Variants in DNAH11 observed in about 807,000 individuals in gnomAD.
The protein encoded by DNAH11 is dynein axonemal heavy chain 11.
DNAH11 carries 442 observed loss-of-function variants against 526.0 expected under a neutral mutation model. The ratio of observed to expected loss-of-function variants is 0.84; its 90% CI spans 0.78 to 0.91. DNAH11 has a LOEUF of 0.91. Among genes scored for constraint, DNAH11 ranks in the 40% least tolerant of loss-of-function variants. The pLI is 0.00. For missense variants in DNAH11, 6,989 were observed against 5,448.7 expected (o/e 1.28, Z -8.90); for synonymous variants, 2,461 against 1,935.9 (o/e 1.27, Z -7.12).
rs568821817 is a variant in DNAH11, at chr7:21,739,418, G to T, written c.7812-153G>T. 2.0e-5 allele frequency among the ~76,000 whole-genome samples: 3 copies of T among 152,226 alleles called. No homozygotes were observed. The East Asian group carries it at 5.8e-4, about 29-fold the overall frequency. ...CTTCAGTTTTTTGAGCTTCAGTTTT[G>T]ATGTCTCTCAAATAAGGCTCACTAG... On this transcript the variant is annotated intron_variant, in intron 47 of 81. Transcript: ENST00000409508.
chr7:21,622,853 A>G, intron 25 of DNAH11, among the ~76,000 whole-genome samples: 1 of 152,190 alleles, frequency 6.6e-6, no homozygotes, highest in Non-Finnish European at 1.5e-5. Context: ...TAGATCTAAA[A>G]CCATAAAAAC....
intron 63 of DNAH11, among the ~76,000 whole-genome samples, chr7:21,810,084 G>C (rs1789445701): frequency 6.6e-6 from 1 of 152,140 alleles, no homozygotes; most frequent in South Asian, 2.1e-4. Flanking sequence ...ATTTGTTAAA[G>C]ATTTTTAAAA....
intron 45 of DNAH11, among the ~76,000 whole-genome samples, chr7:21,735,178 C>T (rs767646245): frequency 2.6e-5 from 4 of 152,156 alleles, no homozygotes; most frequent in Non-Finnish European, 4.4e-5. Context: ...TCAGAACAAA[C>T]AAACAAACCA....
chr7:21,779,479 A>G (rs1432990419), intron 57 of DNAH11, among the ~76,000 whole-genome samples: 1 of 152,212 alleles, frequency 6.6e-6, no homozygotes. Flanking sequence ...AACAAAGCCC[A>G]TTCCGTCACT....
chr7:21,772,064 C>G (rs1787459793), intron 55 of DNAH11, among the ~76,000 whole-genome samples: 3 of 152,182 alleles, frequency 2.0e-5, no homozygotes. Flanking sequence ...GAGGTCTGTT[C>G]TGGAACGATT....
chr7:21,705,314 T>C (rs1039611833), intron 38 of DNAH11, 146 bp from the exon 39 acceptor site: 4 of 701,302 alleles, frequency 5.7e-6, no homozygotes, highest in East Asian at 2.9e-5. Flanking sequence ...TTTTCACTTA[T>C]GGTCTATTTT....
chr7:21,584,132 T>C (rs1284187628), intron 9 of DNAH11, among the ~76,000 whole-genome samples: 15 of 152,234 alleles, frequency 9.9e-5, no homozygotes, highest in Admixed American at 7.9e-4. Context: ...TGCACACATA[T>C]GTTTATTGCA....
intron 25 of DNAH11, among the ~76,000 whole-genome samples, chr7:21,625,204 A>G (rs1246207859): frequency 6.6e-6 from 1 of 151,754 alleles, no homozygotes; most frequent in Non-Finnish European, 1.5e-5. Context: ...GTATTCAATC[A>G]GTGTCTTTAC....
intron 76 of DNAH11, 129 bp from the exon 77 acceptor site, chr7:21,892,296 T>C: frequency 1.5e-6 from 2 of 1,350,588 alleles, no homozygotes; most frequent in South Asian, 2.9e-5. Flanking sequence ...ATAAAACAGT[T>C]TAGGGAGCCT....
At chr7:21,808,617 C>T (rs1346136496) in intron 63 of DNAH11, among the ~76,000 whole-genome samples, 1 of 152,210 alleles carries the variant, frequency 6.6e-6, no homozygotes, top group Non-Finnish European at 1.5e-5. Flanking sequence ...TTAGCTCCCA[C>T]ATGTAAGAAC....
rs1346540711 is a variant in DNAH11 at position 21,601,518 on chromosome 7, A to G, written c.3548A>G (p.Gln1183Arg). The G allele has an allele frequency of 2.5e-6, 4 of 1,613,794 alleles. No homozygotes were observed. In the Admixed American group the frequency reaches 5.0e-5, roughly 20 times the overall value. Residue 1183 changes from glutamine to arginine, a missense_variant, in exon 18 of 82, where the codon CAG becomes CGG. By Grantham distance (43) the Gln-to-Arg change is conservative. Transcript: ENST00000409508. ...CATCTTCTGGCTGTAAGAAGCCGAC[A>G]GAGAGCTACTGATGAACTCTTTGAA... ...MVHLLAVRSR[Q>R]RATDELFEPL...
At chr7:21,752,725 C>A (rs1057250651) in intron 54 of DNAH11, among the ~76,000 whole-genome samples, 4 of 151,784 alleles carry the variant, frequency 2.6e-5, no homozygotes, top group Non-Finnish European at 5.9e-5. Context: ...ACTTATTTAT[C>A]TTTTGAGACA....
At chr7:21,800,601 A>T (rs1788941870) in intron 61 of DNAH11, among the ~76,000 whole-genome samples, 1 of 152,166 alleles carries the variant, frequency 6.6e-6, no homozygotes, top group African/African-American at 2.4e-5. Context: ...CATCGCATCC[A>T]GCCTGAGCAA....
At chr7:21,818,372 T>G (rs1384376665) in intron 65 of DNAH11, 33 bp downstream of exon 65, 1 of 1,589,960 alleles carries the variant, frequency 6.3e-7, no homozygotes, top group Non-Finnish European at 8.5e-7. Flanking sequence ...CATATATATC[T>G]TGCTAAATGA....
intron 61 of DNAH11, among the ~76,000 whole-genome samples, chr7:21,798,186 C>G (rs747472853): frequency 7.9e-5 from 12 of 152,202 alleles, no homozygotes; most frequent in Non-Finnish European, 1.6e-4. Flanking sequence ...AAACTTGACT[C>G]CTAGGTTCAA....
At chr7:21,888,468 T>G (rs1044518577) in intron 76 of DNAH11, among the ~76,000 whole-genome samples, 1 of 152,066 alleles carries the variant, frequency 6.6e-6, no homozygotes, top group African/African-American at 2.4e-5. Context: ...TGCCCCTGAT[T>G]TCAACAAAGA....
rs949497347 is a variant in DNAH11 at position 21,774,772 on chromosome 7, T to C, written c.9336+773T>C. Among the ~76,000 whole-genome samples the C allele has an allele frequency of 9.2e-5, 14 of 151,988 alleles. 2 individuals are homozygous for C. Among genetic ancestry groups the C allele is most frequent in the Admixed American group, 8.5e-4 (13 of 15,250 alleles). ...CCTCTCTGTGGCTGGAAAGAAGAGA[T>C]TGGAATGAGAGACTCTGAAGACTTT... is the stretch of plus-strand genomic sequence containing the variant. On this transcript the variant is annotated intron_variant, in intron 56 of 81. Coordinates refer to ENST00000409508, the MANE Select transcript of DNAH11 (RefSeq NM_001277115.2).
intron 61 of DNAH11, among the ~76,000 whole-genome samples, chr7:21,793,311 A>G (rs1427309402): frequency 6.6e-6 from 1 of 152,174 alleles, no homozygotes; most frequent in African/African-American, 2.4e-5. Context: ...AGAATGTTCC[A>G]TGTGCTGATG....
At position 21,728,428 on chromosome 7, in the gene DNAH11, T is replaced by C. The variant is rs1021414009; in HGVS notation, c.7440+2444T>C. On this transcript the variant is annotated intron_variant, in intron 45 of 81. Transcript: ENST00000409508. ...AACCCACCACCATGCCCGGCTAATT[T>C]TTGTATTTTTAGTAGAGACGGGGTT... Among the ~76,000 whole-genome samples the C allele has an allele frequency of 2.0e-5, 3 of 151,654 alleles. No individual in the cohort carries two copies. The South Asian group carries it at 6.3e-4, about 32-fold the overall frequency.
Sources: gnomAD v4.1 joint callset for allele counts (sites outside exome capture counted in the v4.1 genomes callset) on GRCh38, gnomAD v4.1.1 for gene constraint, MANE v1.5 for transcripts, NCBI Gene and HGNC (gene_info 2026-07-23, HGNC 2026-07-21) for gene names.